Variants in CSGALNACT1 observed in about 807,000 individuals in gnomAD.
The protein encoded by CSGALNACT1 is beta4GalNAcT-1.
In CSGALNACT1, 52 loss-of-function variants were observed where a neutral mutation model predicts 51.0. The observed-to-expected ratio is 1.02, with a 90% CI of 0.82 to 1.29. The LOEUF is 1.29. CSGALNACT1 is among the 50% of genes most tolerant of loss of function. The pLI is 0.00. For missense variants in CSGALNACT1, 935 were observed against 679.2 expected (o/e 1.38, Z -4.19); for synonymous variants, 341 against 254.4 (o/e 1.34, Z -3.24).
At chr8:19,749,888 G>T (rs1206247194) in intron 1 of CSGALNACT1, among the ~76,000 whole-genome samples, 1 of 152,148 alleles carries the variant, frequency 6.6e-6, no homozygotes, top group African/African-American at 2.4e-5. Flanking sequence ...TCCTGCAGTG[G>T]GAGGCCAGGG....
chr8:19,445,428 C>T (rs1443880030), intron 5 of CSGALNACT1, among the ~76,000 whole-genome samples: 1 of 152,196 alleles, frequency 6.6e-6, no homozygotes, highest in African/African-American at 2.4e-5. Context: ...TAAATCCATT[C>T]AAAGAACTTC....
At chr8:19,752,202 A>T (rs1167089720) in intron 1 of CSGALNACT1, among the ~76,000 whole-genome samples, 1 of 148,502 alleles carries the variant, frequency 6.7e-6, no homozygotes, top group East Asian at 1.9e-4. Context: ...TATACTATAT[A>T]TCTTATATGA....
intron 2 of CSGALNACT1, among the ~76,000 whole-genome samples, chr8:19,599,647 T>C (rs979156131): frequency 2.6e-5 from 4 of 152,106 alleles, no homozygotes; most frequent in South Asian, 2.1e-4. Flanking sequence ...CTGATTAAGG[T>C]CTACTTGGGC....
chr8:19,404,700 C>A (rs764442353), exon 10 of CSGALNACT1: 123 of 454,446 alleles, frequency 2.7e-4, no homozygotes, highest in South Asian at 1.9e-3. Flanking sequence ...GTTTGGTTCA[C>A]ACGGTATACT....
rs1462486580 is a variant in CSGALNACT1, at chr8:19,418,652, T to G, written c.1227+4A>C. 6.3e-7 allele frequency: 1 copy of G among 1,598,246 alleles called. No homozygotes were observed. Among genetic ancestry groups the G allele is most frequent in the South Asian group, 1.1e-5 (1 of 90,756 alleles). ...ACAGAGCCATCTGCAGGGTAATTAC[T>G]CACCAGCTGCTGTTCCAAGGGAGGG... On this transcript the variant is annotated splice_donor_region_variant and intron_variant, in intron 8 of 9. Transcript: ENST00000454498.
chr8:19,493,378 G>T (rs1190508044), intron 4 of CSGALNACT1, among the ~76,000 whole-genome samples: 1 of 152,154 alleles, frequency 6.6e-6, no homozygotes, highest in Non-Finnish European at 1.5e-5. Flanking sequence ...AAGCAGACAA[G>T]CTAATTTTTG....
chr8:19,719,248 T>G (rs982320675), intron 1 of CSGALNACT1, among the ~76,000 whole-genome samples: 1 of 152,218 alleles, frequency 6.6e-6, no homozygotes, highest in South Asian at 2.1e-4. Context: ...CTTGCCACAT[T>G]GCATGCATTT....
chr8:19,546,540 C>G (rs2975477), intron 3 of CSGALNACT1, among the ~76,000 whole-genome samples: 1 of 152,158 alleles, frequency 6.6e-6, no homozygotes, highest in Non-Finnish European at 1.5e-5. Flanking sequence ...CTACAAGTTT[C>G]TTAAACAAAT....
intron 3 of CSGALNACT1, among the ~76,000 whole-genome samples, chr8:19,590,094 C>T (rs1474007111): frequency 6.6e-6 from 1 of 152,194 alleles, no homozygotes; most frequent in Non-Finnish European, 1.5e-5. Flanking sequence ...TTATCTCTGC[C>T]TCCTGCCCAA....
At chr8:19,466,739 T>C (rs889509159) in intron 4 of CSGALNACT1, among the ~76,000 whole-genome samples, 1 of 152,174 alleles carries the variant, frequency 6.6e-6, no homozygotes, top group Non-Finnish European at 1.5e-5. Flanking sequence ...ACTCACCCCA[T>C]GAAATGCAAC....
rs1159962282 is a variant in CSGALNACT1 at position 19,666,943 on chromosome 8, AAAAGAAAGAAAGAAAGAAAGAAAGAAAG to A, written c.-544+15502_-544+15529del. 1.4e-3 allele frequency among the ~76,000 whole-genome samples: 113 copies of A among 79,432 alleles called. 2 individuals are homozygous for A. Among genetic ancestry groups the A allele is most frequent in the African/African-American group, 1.7e-3 (36 of 21,318 alleles). 52.1% of individuals were successfully genotyped at this position (79,432 alleles called of 152,430 possible). A position where few individuals can be genotyped will look rare whatever the true frequency, so the allele number is the denominator to read the frequency against. On this transcript the variant is annotated intron_variant, in intron 1 of 9. Transcript: ENST00000332246. ...GAAGGGAGAGACAGAGAGAGAGAGA[AAAAGAAAGAAAGAAAGAAAGAAAGAAAG>A]AAAGAAAGAAAGAAAGAAAGAAAGA...
intron 3 of CSGALNACT1, among the ~76,000 whole-genome samples, chr8:19,531,189 G>T (rs1198954168): frequency 6.6e-6 from 1 of 152,190 alleles, no homozygotes; most frequent in Non-Finnish European, 1.5e-5. Context: ...ATTCCACCAA[G>T]GGAGGCAGAT....
At chr8:19,575,229 T>C (rs1035151661) in intron 3 of CSGALNACT1, among the ~76,000 whole-genome samples, 5 of 152,190 alleles carry the variant, frequency 3.3e-5, no homozygotes, top group African/African-American at 9.7e-5. Flanking sequence ...ATTGTGGTTT[T>C]ATTTTTTCCA....
upstream of CSGALNACT1, among the ~76,000 whole-genome samples, chr8:19,685,183 A>G (rs377006388): frequency 1.3e-5 from 2 of 152,230 alleles, no homozygotes; most frequent in East Asian, 3.8e-4. Flanking sequence ...GCCTGAACAA[A>G]TATGTTAAAG....
chr8:19,598,206 C>A (rs757973628), intron 2 of CSGALNACT1, among the ~76,000 whole-genome samples: 1 of 152,206 alleles, frequency 6.6e-6, no homozygotes, highest in South Asian at 2.1e-4. Context: ...GCAACAACAC[C>A]TGATTAAGGG....
chr8:19,661,205 C>T (rs1025503183), intron 1 of CSGALNACT1, among the ~76,000 whole-genome samples: 3 of 152,076 alleles, frequency 2.0e-5, no homozygotes, highest in African/African-American at 4.8e-5. Context: ...TAAGCCACCA[C>T]TCCCAGGAGG....
chr8:19,512,474 AACAGATAGATAACTAATTC>A (rs1278883180), intron 3 of CSGALNACT1, among the ~76,000 whole-genome samples: 1 of 152,242 alleles, frequency 6.6e-6, no homozygotes, highest in African/African-American at 2.4e-5. Flanking sequence ...ATTACATTCC[AACAGATAGATAACTAATTC>A]ACAGGGTCAC....
intron 3 of CSGALNACT1, among the ~76,000 whole-genome samples, chr8:19,541,834 A>G (rs2085246660): frequency 6.6e-6 from 1 of 152,130 alleles, no homozygotes; most frequent in Non-Finnish European, 1.5e-5. Flanking sequence ...TCCTATTCTT[A>G]AAATAACTGT....
At chr8:19,696,410 T>A (rs1209563060) in intron 1 of CSGALNACT1, among the ~76,000 whole-genome samples, 2 of 152,210 alleles carry the variant, frequency 1.3e-5, no homozygotes, top group African/African-American at 4.8e-5. Context: ...AGGGGCTCAC[T>A]GTTTAGCAGG....
Sources: allele counts gnomAD v4.1 joint callset (sites outside exome capture counted in the v4.1 genomes callset), GRCh38; gene constraint gnomAD v4.1.1; transcripts MANE v1.5; gene names NCBI Gene and HGNC (gene_info 2026-07-23, HGNC 2026-07-21).